Variants in NLN observed in about 807,000 individuals in gnomAD.
The protein encoded by NLN is neurolysin, mitochondrial.
Under a neutral mutation model 79.9 loss-of-function variants are expected in NLN, and 64 were observed. The ratio of observed to expected loss-of-function variants is 0.80; its 90% CI spans 0.65 to 0.99. NLN has a LOEUF of 0.99. NLN is among the 50% of genes least tolerant of loss of function. NLN has a pLI of 0.00. For missense variants in NLN, 835 were observed against 858.7 expected (o/e 0.97, Z 0.34); for synonymous variants, 267 against 296.6 (o/e 0.90, Z 1.02).
intron 9 of NLN, chr5:65,793,383 C>T (rs1378882949): frequency 1.9e-5 from 3 of 154,112 alleles, no homozygotes; most frequent in African/African-American, 7.2e-5. Flanking sequence ...CATGGTGGCT[C>T]ATGCCTGTAA....
chr5:65,789,347 T>G (rs1197066485), intron 8 of NLN, among the ~76,000 whole-genome samples: 1 of 152,234 alleles, frequency 6.6e-6, no homozygotes, highest in African/African-American at 2.4e-5. Flanking sequence ...ATGGTCACTG[T>G]AAGGATTAAA....
At chr5:65,734,560 ACT>A (rs1177930044) in intron 1 of NLN, among the ~76,000 whole-genome samples, 4 of 150,984 alleles carry the variant, frequency 2.6e-5, no homozygotes, top group East Asian at 3.9e-4. Flanking sequence ...AAAAAGAAAG[ACT>A]CTGCCCATTC....
At chr5:65,743,880 C>T (rs1309533794) in intron 1 of NLN, among the ~76,000 whole-genome samples, 2 of 152,168 alleles carry the variant, frequency 1.3e-5, no homozygotes, top group Non-Finnish European at 2.9e-5. Flanking sequence ...CCTCCACATC[C>T]CATTAAACCC....
intron 3 of NLN, among the ~76,000 whole-genome samples, chr5:65,774,043 A>C (rs252636): frequency 0.57 from 85,371 of 149,904 alleles, 24,673 homozygotes; most frequent in South Asian, 0.6. Flanking sequence ...AAACATTAAA[A>C]TAGAATTCAA....
chr5:65,731,220 G>C (rs1367380898), intron 1 of NLN, among the ~76,000 whole-genome samples: 1 of 152,232 alleles, frequency 6.6e-6, no homozygotes, highest in Non-Finnish European at 1.5e-5. Context: ...TTCCATGAGA[G>C]AGTGGAAGGC....
intron 9 of NLN, among the ~76,000 whole-genome samples, chr5:65,806,904 C>T (rs969418238): frequency 1.3e-5 from 2 of 152,132 alleles, no homozygotes; most frequent in African/African-American, 4.8e-5. Context: ...CGGCTGGCTG[C>T]GTTGGCTCCC....
At chr5:65,785,696 C>T (rs1759903859) in intron 6 of NLN, 79 bp from the exon 7 acceptor site, 1 of 1,085,470 alleles carries the variant, frequency 9.2e-7, no homozygotes, top group East Asian at 2.8e-5. Context: ...CCTAAAAATA[C>T]ATACAGTAAT....
chr5:65,730,748 G>A (rs1340381815), intron 1 of NLN, among the ~76,000 whole-genome samples: 1 of 151,860 alleles, frequency 6.6e-6, no homozygotes, highest in Non-Finnish European at 1.5e-5. Flanking sequence ...GTAGAAACAG[G>A]GGTTCACCAT....
intron 4 of NLN, among the ~76,000 whole-genome samples, chr5:65,779,184 G>T (rs1485588151): frequency 6.6e-6 from 1 of 152,138 alleles, no homozygotes; most frequent in African/African-American, 2.4e-5. Flanking sequence ...CTGATTATAG[G>T]ACTCGACTTT....
Position 65,792,511 on chromosome 5 carries a change from T to G in NLN, c.1383T>G (p.Pro461=). The G allele has an allele frequency of 6.2e-7, 1 of 1,614,144 alleles. No homozygotes were observed. The highest frequency in any genetic ancestry group is 2.2e-5 in the East Asian group (1 of 44,874). The change falls in exon 9 of 13, where the codon CCT becomes CCG. Residue 461 remains proline, a synonymous_variant. Coordinates refer to ENST00000380985, the MANE Select transcript of NLN (RefSeq NM_020726.5). The part of the protein sequence containing the change: ...CFGLQPGCLL[P]DGSRMMAVAA... ...GTCTCCAGCCTGGCTGCCTTCTGCC[T>G]GATGGAAGCCGGATGATGGCAGTGG...
At chr5:65,803,427 C>T (rs553044370) in intron 9 of NLN, among the ~76,000 whole-genome samples, 2 of 152,176 alleles carry the variant, frequency 1.3e-5, no homozygotes, top group African/African-American at 4.8e-5. Flanking sequence ...CTGTCCTGAG[C>T]ATATGGACAC....
Position 65,800,826 on chromosome 5 carries a change from GAC to G in NLN, c.1527+8172_1527+8173del, listed in dbSNP as rs1760271087. Among the ~76,000 whole-genome samples the G allele has an allele frequency of 2.6e-5, 4 of 152,008 alleles. No homozygotes were observed. In the South Asian group the frequency reaches 6.2e-4, roughly 24 times the overall value. ...CCATCTCAGACTCCTGAGTAGCTGA[GAC>G]TACAGGAATGCACCACCATGCCCAG... On this transcript the variant is annotated intron_variant, in intron 9 of 12. Coordinates refer to ENST00000380985, the MANE Select transcript of NLN (RefSeq NM_020726.5).
intron 3 of NLN, among the ~76,000 whole-genome samples, chr5:65,773,820 G>GT (rs1759621379): frequency 1.3e-5 from 2 of 152,098 alleles, no homozygotes; most frequent in Admixed American, 1.3e-4. Flanking sequence ...GCATGTGCCT[G>GT]TAATCCCAGC....
chr5:65,802,736 T>C (rs1001641042), intron 9 of NLN, among the ~76,000 whole-genome samples: 1 of 152,114 alleles, frequency 6.6e-6, no homozygotes, highest in Non-Finnish European at 1.5e-5. Context: ...GGGTAGCTCC[T>C]CTCCACAACC....
At chr5:65,783,122 A>T (rs1233202340) in intron 6 of NLN, among the ~76,000 whole-genome samples, 1 of 152,168 alleles carries the variant, frequency 6.6e-6, no homozygotes, top group African/African-American at 2.4e-5. Context: ...CAGAAAGTAG[A>T]TTAGAGGTTA....
At chr5:65,758,474 T>C (rs543596756) in intron 1 of NLN, 93 bp from the exon 2 acceptor site, 341 of 846,998 alleles carry the variant, frequency 4.0e-4, no homozygotes, top group Non-Finnish European at 5.9e-4. Context: ...AGGTTCTTTT[T>C]AATTTAATAT....
chr5:65,752,144 A>G (rs959290166), intron 1 of NLN, among the ~76,000 whole-genome samples: 2 of 152,042 alleles, frequency 1.3e-5, no homozygotes, highest in Non-Finnish European at 2.9e-5. Flanking sequence ...AGGTTCAGGT[A>G]AGAGGATCAC....
intron 12 of NLN, chr5:65,818,787 T>G (rs1467359931): frequency 7.9e-5 from 12 of 152,318 alleles, no homozygotes; most frequent in Non-Finnish European, 2.9e-5. Flanking sequence ...CCCTGATGAC[T>G]GCCGCTCAGT....
At position 65,752,508 on chromosome 5, in the gene NLN, C is replaced by G. The variant is rs868333720; in HGVS notation, c.42-6059C>G. ...TATGTAGCTCTCACTTGCAAAAAGTCAGAGAAAAATCTTCACCAGGTTCTC... is the reference window on the plus strand; with the variant it reads ...TATGTAGCTCTCACTTGCAAAAAGTGAGAGAAAAATCTTCACCAGGTTCTC... On this transcript the variant is annotated intron_variant, in intron 1 of 12. Transcript: ENST00000380985. Among the ~76,000 whole-genome samples the G allele has an allele frequency of 2.8e-4, 42 of 152,266 alleles. No individual in the cohort carries two copies. In the Middle Eastern group the frequency reaches 0.02, roughly 74 times the overall value.
Sources: allele counts gnomAD v4.1 joint callset (sites outside exome capture counted in the v4.1 genomes callset), GRCh38; gene constraint gnomAD v4.1.1; transcripts MANE v1.5; gene names NCBI Gene and HGNC (gene_info 2026-07-23, HGNC 2026-07-21).